The following FRAS1 variants were observed in gnomAD, a reference collection of about 807,000 sequenced individuals.
FRAS1 encodes extracellular matrix organizing protein FRAS1.
In FRAS1, 290 loss-of-function variants were observed where a neutral mutation model predicts 435.2. The observed-to-expected ratio is 0.67, with a 90% CI of 0.61 to 0.73. The LOEUF is 0.73. FRAS1 is among the 30% of genes least tolerant of loss of function. The pLI, the probability that FRAS1 is intolerant of heterozygous loss-of-function variation, is 0.00. For synonymous variants in FRAS1, 1,800 were observed against 1,851.0 expected, an observed-to-expected ratio of 0.97 and a Z score of 0.71; for missense variants, 4,860 against 5,001.5, an observed-to-expected ratio of 0.97 and a Z score of 0.85.
intron 32 of FRAS1, among the ~76,000 whole-genome samples, chr4:78,415,583 C>G (rs1245171662): frequency 6.6e-6 from 1 of 151,962 alleles, no homozygotes; most frequent in Non-Finnish European, 1.5e-5. Flanking sequence ...TCTTGAGGAG[C>G]AACAGGTGAA....
In FRAS1 at chr4:78,057,939, C is replaced by A; in HGVS notation, c.-71C>A. The A allele has an allele frequency of 6.8e-7, 1 of 1,477,702 alleles. No individual in the cohort carries two copies. Among genetic ancestry groups the A allele is most frequent in the Non-Finnish European group, 9.4e-7 (1 of 1,061,550 alleles). 91.5% of individuals were successfully genotyped at this position (1,477,702 alleles called of 1,614,324 possible). Reference sequence around the variant, plus strand: ...TGCGCCCGGGTTCCAAGCGCCGGAGCCAGCGTTTTGGCGGAGCCGCTTCTT... The same window carrying A: ...TGCGCCCGGGTTCCAAGCGCCGGAGACAGCGTTTTGGCGGAGCCGCTTCTT... On this transcript the variant is annotated 5_prime_UTR_variant, in exon 1 of 74. Transcript: ENST00000512123. The surrounding 1 kb of genome is among the most constrained non-coding windows in gnomAD (Gnocchi z 4.2).
chr4:78,271,682 T>C (rs1469105397), intron 9 of FRAS1, among the ~76,000 whole-genome samples: 1 of 152,232 alleles, frequency 6.6e-6, no homozygotes, highest in Admixed American at 6.5e-5. Flanking sequence ...CCATGGTGTA[T>C]ATGTGCCACA....
intron 1 of FRAS1, among the ~76,000 whole-genome samples, chr4:78,062,033 G>A (rs1045218964): frequency 6.6e-6 from 1 of 152,174 alleles, no homozygotes; most frequent in African/African-American, 2.4e-5. Flanking sequence ...ATTGCCCTCT[G>A]AAGATTGGAT....
Position 78,540,662 on chromosome 4 carries a change from T to C in FRAS1, c.11577T>C (p.Asp3859=). 6.2e-7 allele frequency: 1 copy of C among 1,612,718 alleles called. No homozygotes were observed. The highest frequency in any genetic ancestry group is 1.7e-5 in the Admixed American group (1 of 59,932). Residue 3859 remains aspartate (D), a synonymous_variant, in exon 74 of 74, where the codon GAT becomes GAC. Transcript: ENST00000512123. The stretch of plus-strand genomic sequence containing the variant: ...ACCGAAGGGACCTGGTAGAGCCCGA[T>C]GGCCAGCTGATCCTTGATGATTCCC... ...RRNRRDLVEP[D]GQLILDDSLI...
chr4:78,512,016 T>G (rs1012890480), intron 64 of FRAS1, among the ~76,000 whole-genome samples: 4 of 152,174 alleles, frequency 2.6e-5, no homozygotes, highest in Non-Finnish European at 4.4e-5. Context: ...CTGAAGACCA[T>G]GAGTATGTAT....
chr4:78,522,567 C>A, intron 68 of FRAS1, 82 bp from the exon 69 acceptor site: 1 of 1,216,024 alleles, frequency 8.2e-7, no homozygotes, highest in Non-Finnish European at 1.1e-6. Context: ...AGTTCTCAGG[C>A]TTTTGTGGGG....
intron 29 of FRAS1, among the ~76,000 whole-genome samples, chr4:78,396,483 A>G (rs965891273): frequency 1.3e-5 from 2 of 152,210 alleles, no homozygotes; most frequent in African/African-American, 4.8e-5. Flanking sequence ...TCATTTCTGA[A>G]TGACAGCTTT....
intron 2 of FRAS1, among the ~76,000 whole-genome samples, chr4:78,190,754 CT>C (rs201785208): frequency 0.02 from 3,014 of 152,190 alleles, 99 homozygotes; most frequent in African/African-American, 0.069. Context: ...TATTGTGCTT[CT>C]GTTGTGTAGC....
In FRAS1 at chr4:78,238,580, T is replaced by C. The variant is rs150573805; in HGVS notation, c.216+963T>C. ...GAGTATTCCTTCATTTCTGCATGAG[T>C]GTATTCCTGAGAAGCTGGGAGTACT... On this transcript the variant is annotated intron_variant, in intron 3 of 73. Transcript: ENST00000512123. Among the ~76,000 whole-genome samples, 692 of 152,186 alleles carry C rather than the reference T, an allele frequency of 4.5e-3. 6 individuals carry two copies. The highest frequency in any genetic ancestry group is 0.016 in the African/African-American group (645 of 41,562).
chr4:78,228,584 GTAC>G (rs1303604206), intron 2 of FRAS1, among the ~76,000 whole-genome samples: 1 of 152,158 alleles, frequency 6.6e-6, no homozygotes, highest in Non-Finnish European at 1.5e-5. Flanking sequence ...GTATGTGTGT[GTAC>G]TACTCTAGAA....
At chr4:78,366,027 G>A (rs757902830) in intron 22 of FRAS1, among the ~76,000 whole-genome samples, 5 of 152,036 alleles carry the variant, frequency 3.3e-5, no homozygotes, top group Non-Finnish European at 5.9e-5. Context: ...ACAATTATAG[G>A]CCTGCCAATT....
At chr4:78,306,683 G>T (rs1265009109) in intron 14 of FRAS1, among the ~76,000 whole-genome samples, 2 of 148,616 alleles carry the variant, frequency 1.3e-5, no homozygotes, top group Non-Finnish European at 3.0e-5. Flanking sequence ...CATTCTTCAC[G>T]TAGTTCTCGA....
In FRAS1 at chr4:78,310,416, TA is replaced by T. The variant is rs376183886; in HGVS notation, c.1678+2209del. Among the ~76,000 whole-genome samples, 100 of 152,316 alleles carry T rather than the reference TA, an allele frequency of 6.6e-4. 1 individual carries two copies. Among genetic ancestry groups the T allele is most frequent in the African/African-American group, 2.2e-3 (92 of 41,572 alleles). On this transcript the variant is annotated intron_variant, in intron 15 of 73. Transcript: ENST00000512123. ...TGGTGTATTTAAAAAGAGGAATAGT[TA>T]ATGCGAGACTGGAGGCTGTAAGAGG...
intron 50 of FRAS1, among the ~76,000 whole-genome samples, chr4:78,469,264 C>A (rs1719631730): frequency 6.6e-6 from 1 of 152,174 alleles, no homozygotes; most frequent in African/African-American, 2.4e-5. Flanking sequence ...TCTCATTGCC[C>A]TGTGTCCCAA....
intron 2 of FRAS1, among the ~76,000 whole-genome samples, chr4:78,088,573 A>G (rs1741331361): frequency 1.3e-5 from 2 of 151,502 alleles, no homozygotes; most frequent in African/African-American, 4.9e-5. Flanking sequence ...AACTCAAACA[A>G]ATTTCCAAGA....
In FRAS1 at chr4:78,447,844, T is replaced by C. The variant is rs116391847; in HGVS notation, c.6011-209T>C. Among the ~76,000 whole-genome samples the C allele has an allele frequency of 7.0e-3, 1,064 of 152,288 alleles. 15 individuals are homozygous for C. The highest frequency in any genetic ancestry group is 0.024 in the African/African-American group (992 of 41,562). On this transcript the variant is annotated intron_variant, in intron 43 of 73. Coordinates refer to ENST00000512123, the MANE Select transcript of FRAS1 (RefSeq NM_025074.7). ...TAAGAGACTTTTTAGCTAGGATAAGTGGGACTTTGTCTTCTTTATTTGTGT... is the reference window on the plus strand; with the variant it reads ...TAAGAGACTTTTTAGCTAGGATAAGCGGGACTTTGTCTTCTTTATTTGTGT...
At chr4:78,498,842 T>TTTTATTTATTTATTCA (rs1553892288) in intron 60 of FRAS1, among the ~76,000 whole-genome samples, 1 of 147,688 alleles carries the variant, frequency 6.8e-6, no homozygotes, top group East Asian at 2.0e-4. Context: ...CAATATATTA[T>TTTTATTTATTTATTCA]TTTATTTATT....
chr4:78,181,808 T>C, intron 2 of FRAS1: 1 of 1,612,110 alleles, frequency 6.2e-7, no homozygotes, highest in South Asian at 1.1e-5. Context: ...GGGCAGCGGG[T>C]TCTTGCGGTC....
chr4:78,396,762 T>A (rs1028876981), intron 29 of FRAS1, among the ~76,000 whole-genome samples: 1 of 152,236 alleles, frequency 6.6e-6, no homozygotes, highest in Admixed American at 6.5e-5. Context: ...GATCTGTCTT[T>A]TGAGTTCGTG....
Sources: allele counts gnomAD v4.1 joint callset (sites outside exome capture counted in the v4.1 genomes callset), GRCh38; gene constraint gnomAD v4.1.1; non-coding constraint Gnocchi (gnomAD v3.1); transcripts MANE v1.5; gene names NCBI Gene and HGNC (gene_info 2026-07-23, HGNC 2026-07-21).